NDUFAF7: variants seen among roughly 807,000 people sequenced by gnomAD.
The protein encoded by NDUFAF7 is protein arginine methyltransferase NDUFAF7, mitochondrial.
Under a neutral mutation model 47.2 loss-of-function variants are expected in NDUFAF7, and 48 were observed. That is an observed-to-expected ratio of 1.02 (90% CI 0.81 to 1.29). The LOEUF (loss-of-function observed/expected upper bound fraction) is 1.29. Ranked by LOEUF, NDUFAF7 falls within the 50% of genes most tolerant of loss-of-function variation. The pLI is 0.00. For missense variants in NDUFAF7, 635 were observed against 537.6 expected (o/e 1.18, Z -1.79); for synonymous variants, 217 against 190.0 (o/e 1.14, Z -1.17).
In NDUFAF7 at chr2:37,236,158, A is replaced by T; in HGVS notation, c.279A>T (p.Ile93=). Residue 93 remains isoleucine (I), a synonymous_variant, in exon 3 of 10, where the codon ATA becomes ATT. Transcript: ENST00000002125. ...GAGATTTCATTACTTCACCTGAAAT[A>T]AGTCAAATCTTTGGGGAGGTAATAT... ...EKGDFITSPE[I]SQIFGELLGI... 1 of 1,611,444 alleles carries T rather than the reference A, an allele frequency of 6.2e-7. No homozygotes were observed.
chr2:37,245,961 G>A, intron 7 of NDUFAF7, 91 bp from the exon 8 acceptor site: 1 of 1,384,622 alleles, frequency 7.2e-7, no homozygotes, highest in South Asian at 1.2e-5. Context: ...TTAAAACTAA[G>A]AAATGCTCAT....
At chr2:37,268,211 G>T in the NDUFAF7 span, 3 of 421,494 alleles carry the variant, frequency 7.1e-6, no homozygotes, top group South Asian at 3.6e-5. Flanking sequence ...ATTTATTTTA[G>T]ATTAACTCAT....
At chr2:37,259,498 C>G in the NDUFAF7 span, 1 of 987,384 alleles carries the variant, frequency 1.0e-6, no homozygotes, top group Non-Finnish European at 1.5e-6. Flanking sequence ...TTTTAACCAA[C>G]AGTACTTAGT....
At chr2:37,244,972 T>C (rs1203238719) in intron 7 of NDUFAF7, among the ~76,000 whole-genome samples, 1 of 152,188 alleles carries the variant, frequency 6.6e-6, no homozygotes, top group East Asian at 1.9e-4. Context: ...TGGTAATACA[T>C]GTCATCTTGA....
Position 37,232,160 on chromosome 2 carries a change from A to G in NDUFAF7, c.110A>G (p.Glu37Gly). 1 of 1,614,248 alleles carries G rather than the reference A, an allele frequency of 6.2e-7. No homozygotes were observed. Among genetic ancestry groups the G allele is most frequent in the Admixed American group, 1.7e-5 (1 of 60,036 alleles). ...KYFSSGNEPA[E>G]NPVTPMLRHL... is the part of the protein sequence containing the mutation. ...TTCAGCTCCGGGAATGAGCCTGCAG[A>G]AAACCCGGTGACGCCGATGCTGCGG... The change falls in exon 2 of 10, where the codon GAA becomes GGA. Residue 37 changes from glutamate to glycine, a missense_variant. Glu to Gly is a moderately conservative substitution (Grantham distance 98, BLOSUM62 -2). Coordinates refer to ENST00000002125, the MANE Select transcript of NDUFAF7 (RefSeq NM_144736.5).
At chr2:37,247,795 T>C (rs1302023131) in intron 9 of NDUFAF7, among the ~76,000 whole-genome samples, 166 bp downstream of exon 9, 3 of 152,236 alleles carry the variant, frequency 2.0e-5, no homozygotes, top group African/African-American at 4.8e-5. Flanking sequence ...GTAAGTTTTA[T>C]GCATCTCCAT....
Position 37,248,357 on chromosome 2 carries a change from A to G in NDUFAF7, c.*7A>G. 1 of 1,611,496 alleles carries G rather than the reference A, an allele frequency of 6.2e-7. No individual in the cohort carries two copies. Among genetic ancestry groups the G allele is most frequent in the East Asian group, 2.2e-5 (1 of 44,864 alleles). On this transcript the variant is annotated 3_prime_UTR_variant, in exon 10 of 10. Transcript: ENST00000002125. ...TGAACTTGCTTGGCAGTGATATTTC[A>G]GCTTGGACATTTTACCCTTCAGTCG...
At chr2:37,260,583 C>A in the NDUFAF7 span, among the ~76,000 whole-genome samples, 2 of 152,158 alleles carry the variant, frequency 1.3e-5, no homozygotes, top group Admixed American at 6.6e-5. Flanking sequence ...AGTAGCCGCA[C>A]TGAGGGGATA....
Position 37,242,667 on chromosome 2 carries a change from G to A in NDUFAF7, c.655G>A (p.Asp219Asn). 1 of 1,603,120 alleles carries A rather than the reference G, an allele frequency of 6.2e-7. No homozygotes were observed. Among genetic ancestry groups the A allele is most frequent in the Non-Finnish European group, 8.5e-7 (1 of 1,170,500 alleles). ...CTTTTATCTTGCACATGAATTTTTT[G>A]ATGTTCTTCCTGTGCATAAATTTCA... Reference protein sequence around the residue: ...YSFYLAHEFFDVLPVHKFQKT... With the variant: ...YSFYLAHEFFNVLPVHKFQKT... The change falls in exon 6 of 10, where the codon GAT becomes AAT. Residue 219 changes from aspartate (D) to asparagine (N), a missense_variant. Coordinates refer to ENST00000002125, the MANE Select transcript of NDUFAF7 (RefSeq NM_144736.5).
downstream of NDUFAF7, chr2:37,250,422 T>TAAC (rs1325722450): frequency 2.0e-5 from 3 of 152,178 alleles, no homozygotes; most frequent in East Asian, 1.9e-4. Flanking sequence ...TCTGGTAGTA[T>TAAC]AACAGTTGGA....
chr2:37,237,928 G>A (rs1284216716), intron 4 of NDUFAF7, 61 bp downstream of exon 4: 2 of 1,156,316 alleles, frequency 1.7e-6, no homozygotes, highest in African/African-American at 3.0e-5. Flanking sequence ...TTCTGAGTGT[G>A]CAAACCATGT....
Position 37,248,641 on chromosome 2 carries a change from G to C in NDUFAF7, c.*291G>C. On this transcript the variant is annotated 3_prime_UTR_variant, in exon 10 of 10. Transcript: ENST00000002125. Reference sequence around the variant, plus strand: ...TTAAAAAGTAAACATGCGGCTGGGCGTGGTGGCTCATGCCTGTAATCCCAG... The same window carrying C: ...TTAAAAAGTAAACATGCGGCTGGGCCTGGTGGCTCATGCCTGTAATCCCAG... 1 of 380,056 alleles carries C rather than the reference G, an allele frequency of 2.6e-6. No homozygotes were observed. The highest frequency in any genetic ancestry group is 3.7e-5 in the Admixed American group (1 of 27,130). 23.5% of individuals were successfully genotyped at this position (380,056 alleles called of 1,614,324 possible).
intron 2 of NDUFAF7, among the ~76,000 whole-genome samples, chr2:37,234,259 T>A (rs959517692): frequency 6.6e-6 from 1 of 152,070 alleles, no homozygotes; most frequent in Non-Finnish European, 1.5e-5. Flanking sequence ...CCAGCTAGGT[T>A]TTTTGTATTT....
rs865857277 is a variant in NDUFAF7 at position 37,243,128 on chromosome 2, A to G, written c.681+435A>G. 1.1e-4 allele frequency among the ~76,000 whole-genome samples: 16 copies of G among 152,206 alleles called. 1 individual carries two copies. The South Asian group carries it at 3.1e-3, about 30-fold the overall frequency. On this transcript the variant is annotated intron_variant, in intron 6 of 9. Coordinates refer to ENST00000002125, the MANE Select transcript of NDUFAF7 (RefSeq NM_144736.5). ...AGGTGTGCGCCACTGCACCCAGCCA[A>G]CCTTAGCACATTTTAAAAAATTATA...
intron 7 of NDUFAF7, 39 bp downstream of exon 7, chr2:37,244,012 A>G (rs768589479): frequency 1.1e-5 from 16 of 1,471,164 alleles, no homozygotes; most frequent in Non-Finnish European, 1.4e-5. Context: ...TATTGCTCAC[A>G]GAATCTTCAA....
chr2:37,236,150 C>T lies in NDUFAF7; in HGVS notation c.271C>T (p.Pro91Ser), dbSNP rs1558490713. ...CGAAAAAGGAGATTTCATTACTTCACCTGAAATAAGTCAAATCTTTGGGGA... is the reference window on the plus strand; with the variant it reads ...CGAAAAAGGAGATTTCATTACTTCATCTGAAATAAGTCAAATCTTTGGGGA... ...LGEKGDFITS[P>S]EISQIFGELL... Residue 91 changes from proline (P) to serine (S), a missense_variant, in exon 3 of 10, where the codon CCT (proline) becomes TCT (serine). By Grantham distance (74) the Pro-to-Ser change is moderately conservative. Coordinates refer to ENST00000002125, the MANE Select transcript of NDUFAF7 (RefSeq NM_144736.5). 1 of 1,612,524 alleles carries T rather than the reference C, an allele frequency of 6.2e-7. No individual in the cohort carries two copies. Among genetic ancestry groups the T allele is most frequent in the East Asian group, 2.2e-5 (1 of 44,822 alleles).
At chr2:37,240,919 T>C (rs1666272300) in intron 4 of NDUFAF7, among the ~76,000 whole-genome samples, 1 of 152,248 alleles carries the variant, frequency 6.6e-6, no homozygotes, top group African/African-American at 2.4e-5. Flanking sequence ...TCAGTCTGGA[T>C]GTGCATATTC....
the NDUFAF7 span, chr2:37,260,469 T>C: frequency 1.6e-6 from 2 of 1,255,742 alleles, no homozygotes; most frequent in Non-Finnish European, 2.3e-6. Flanking sequence ...TTGTCTGAAA[T>C]GGCACAGAAA....
downstream of NDUFAF7, chr2:37,253,214 A>G (rs1374597686): frequency 1.2e-6 from 2 of 1,611,870 alleles, no homozygotes; most frequent in South Asian, 1.1e-5. Context: ...ATTAGGAGCC[A>G]TAATGAAGTG....
Sources: gnomAD v4.1 joint callset for allele counts (sites outside exome capture counted in the v4.1 genomes callset) on GRCh38, gnomAD v4.1.1 for gene constraint, MANE v1.5 for transcripts, NCBI Gene and HGNC (gene_info 2026-07-23, HGNC 2026-07-21) for gene names.